Variants in OSBPL10 observed in about 807,000 individuals in gnomAD.
OSBPL10 encodes the protein oxysterol-binding protein-related protein 10.
OSBPL10 carries 49 observed loss-of-function variants against 81.7 expected under a neutral mutation model. The ratio of observed to expected loss-of-function variants is 0.60; its 90% CI spans 0.48 to 0.76. The LOEUF (loss-of-function observed/expected upper bound fraction) is 0.76. OSBPL10 is among the 30% of genes least tolerant of loss of function. The pLI is 0.00. For synonymous variants in OSBPL10, 419 were observed against 383.6 expected, an observed-to-expected ratio of 1.09 and a Z score of -1.08; for missense variants, 923 against 987.8, an observed-to-expected ratio of 0.93 and a Z score of 0.88.
rs1107644 is a variant in OSBPL10 at position 31,675,532 on chromosome 3, A to C, written c.1727-4549T>G. 0.017 allele frequency among the ~76,000 whole-genome samples: 2,522 copies of C among 152,264 alleles called. 293 individuals are homozygous for C. In the East Asian group the frequency reaches 0.32, roughly 19 times the overall value. On this transcript the variant is annotated intron_variant, in intron 8 of 11. Coordinates refer to ENST00000396556, the MANE Select transcript of OSBPL10 (RefSeq NM_017784.5). ...TCGTAAAGATGGAGAAGGCGATTCT[A>C]AACTCAGCTAACAGCACTGCAGCAT...
intron 2 of OSBPL10, among the ~76,000 whole-genome samples, chr3:32,001,887 A>AT (rs1419161575): frequency 1.3e-5 from 2 of 152,230 alleles, no homozygotes; most frequent in East Asian, 1.9e-4. Context: ...CTCTTGGACA[A>AT]TTTTTTTCTG....
chr3:31,897,264 C>G (rs1424906291), intron 1 of OSBPL10, among the ~76,000 whole-genome samples: 1 of 152,076 alleles, frequency 6.6e-6, no homozygotes, highest in Admixed American at 6.5e-5. Context: ...AAAAGAAGAG[C>G]TTTGCTAAGG....
At chr3:31,682,648 C>G (rs1219165015) in intron 8 of OSBPL10, among the ~76,000 whole-genome samples, 4 of 152,222 alleles carry the variant, frequency 2.6e-5, no homozygotes, top group African/African-American at 7.2e-5. Flanking sequence ...TTCCCCGGAC[C>G]CCCACCTGCT....
At chr3:31,693,796 C>A (rs1161952211) in intron 7 of OSBPL10, among the ~76,000 whole-genome samples, 4 of 152,142 alleles carry the variant, frequency 2.6e-5, no homozygotes, top group African/African-American at 9.7e-5. Context: ...AAGATAAGGT[C>A]TTGCTCTGTT....
At chr3:31,714,796 GT>G (rs1696380831) in intron 6 of OSBPL10, 1 of 152,750 alleles carries the variant, frequency 6.5e-6, no homozygotes. Flanking sequence ...CACACCCTAG[GT>G]TTTGACCACA....
chr3:31,971,240 A>G (rs916010986), intron 1 of OSBPL10, among the ~76,000 whole-genome samples: 25 of 146,774 alleles, frequency 1.7e-4, no homozygotes, highest in African/African-American at 6.1e-4. Context: ...TTCTGGGTTC[A>G]AGCGATTCTC....
intron 4 of OSBPL10, among the ~76,000 whole-genome samples, chr3:31,788,730 A>T (rs549385906): frequency 1.3e-5 from 2 of 152,238 alleles, no homozygotes; most frequent in South Asian, 4.1e-4. Context: ...TTGAGCTATG[A>T]TGCCACCTGT....
chr3:31,812,787 AAAGAAAGAAAGAAAG>A (rs1699731980), intron 4 of OSBPL10, among the ~76,000 whole-genome samples: 1 of 53,016 alleles, frequency 1.9e-5, no homozygotes, highest in Non-Finnish European at 3.5e-5. Flanking sequence ...AGAAAGAAAG[AAAGAAAGAAAGAAAG>A]AAAGAAAGAA....
Position 31,805,568 on chromosome 3 carries a change from C to T in OSBPL10, c.729+24472G>A, listed in dbSNP as rs566297543. Among the ~76,000 whole-genome samples, 548 of 152,286 alleles carry T rather than the reference C, an allele frequency of 3.6e-3. 2 individuals are homozygous for T. Among genetic ancestry groups the T allele is most frequent in the African/African-American group, 0.012 (502 of 41,546 alleles). ...GTAAATGGGTTTTCTCTTCTAAGCACGCACTACTAACAAATTGAGCATTCT... is the reference window on the plus strand; with the variant it reads ...GTAAATGGGTTTTCTCTTCTAAGCATGCACTACTAACAAATTGAGCATTCT... On this transcript the variant is annotated intron_variant, in intron 4 of 11. Coordinates refer to ENST00000396556, the MANE Select transcript of OSBPL10 (RefSeq NM_017784.5).
chr3:31,947,716 C>A (rs1287984738), intron 1 of OSBPL10, among the ~76,000 whole-genome samples: 1 of 152,154 alleles, frequency 6.6e-6, no homozygotes, highest in African/African-American at 2.4e-5. Context: ...ACGCTGAGCA[C>A]AGTATGACAG....
intron 3 of OSBPL10, among the ~76,000 whole-genome samples, chr3:31,832,787 G>T (rs1404886875): frequency 6.6e-6 from 1 of 152,156 alleles, no homozygotes; most frequent in Admixed American, 6.5e-5. Flanking sequence ...TGGGAAGCTA[G>T]ACAGGCAAGG....
chr3:32,029,799 C>T (rs1335297097), intron 2 of OSBPL10, among the ~76,000 whole-genome samples: 2 of 152,142 alleles, frequency 1.3e-5, no homozygotes, highest in Non-Finnish European at 1.5e-5. Context: ...AGAGAAACCA[C>T]GTAAAGACAC....
intron 2 of OSBPL10, among the ~76,000 whole-genome samples, chr3:32,045,077 G>A (rs974731352): frequency 1.3e-5 from 2 of 152,128 alleles, no homozygotes; most frequent in African/African-American, 4.8e-5. Flanking sequence ...ATTTTTTGTT[G>A]TTGGAAGTTT....
chr3:31,661,346 T>C lies in OSBPL10; in HGVS notation c.*726A>G, dbSNP rs1700067465. ...TTTCTGATGTAAAAGAAGCAACTTC[T>C]CAAAAATGAATGACTAGCGCTGTGA... On this transcript the variant is annotated 3_prime_UTR_variant, in exon 12 of 12. Coordinates refer to ENST00000396556, the MANE Select transcript of OSBPL10 (RefSeq NM_017784.5). 6.6e-6 allele frequency: 1 copy of C among 152,202 alleles called. No individual in the cohort carries two copies. The highest frequency in any genetic ancestry group is 1.5e-5 in the Non-Finnish European group (1 of 68,046). The allele number at this position is 152,202 out of a possible 1,614,324, so 9.4% of individuals were successfully genotyped here. A position where few individuals can be genotyped will look rare whatever the true frequency, so the allele number is the denominator to read the frequency against.
chr3:31,807,003 A>G (rs1414043725), intron 4 of OSBPL10, among the ~76,000 whole-genome samples: 1 of 152,210 alleles, frequency 6.6e-6, no homozygotes, highest in African/African-American at 2.4e-5. Flanking sequence ...CAGGCCACAG[A>G]CAGGATTTAG....
At chr3:31,910,311 G>A (rs1421853391) in intron 1 of OSBPL10, among the ~76,000 whole-genome samples, 1 of 152,002 alleles carries the variant, frequency 6.6e-6, no homozygotes, top group East Asian at 1.9e-4. Flanking sequence ...GGGACATGGG[G>A]TTCAGTAAAG....
chr3:32,024,629 C>T (rs149638701), intron 2 of OSBPL10, among the ~76,000 whole-genome samples: 241 of 151,760 alleles, frequency 1.6e-3, no homozygotes, highest in African/African-American at 5.0e-3. Context: ...GGATTACACG[C>T]GCCTGCCACC....
chr3:31,780,543 A>T (rs1698664853), intron 4 of OSBPL10, among the ~76,000 whole-genome samples: 1 of 152,122 alleles, frequency 6.6e-6, no homozygotes, highest in South Asian at 2.1e-4. Flanking sequence ...AAAGATAAAC[A>T]AAATTGATAG....
chr3:31,974,729 A>T (rs572301213), intron 1 of OSBPL10, among the ~76,000 whole-genome samples: 48 of 152,290 alleles, frequency 3.2e-4, no homozygotes, highest in Admixed American at 2.6e-3. Flanking sequence ...ATGCGGGGAG[A>T]TACTATGAGG....
Sources: allele counts gnomAD v4.1 joint callset (sites outside exome capture counted in the v4.1 genomes callset), GRCh38; gene constraint gnomAD v4.1.1; transcripts MANE v1.5; gene names NCBI Gene and HGNC (gene_info 2026-07-23, HGNC 2026-07-21).